The following LAPTM5 variants were observed in gnomAD, a reference collection of about 807,000 sequenced individuals.
LAPTM5 encodes the protein lysosomal protein transmembrane 5, also known as lysosomal-associated transmembrane protein 5.
Under a neutral mutation model 30.1 loss-of-function variants are expected in LAPTM5, and 11 were observed. That is an observed-to-expected ratio of 0.37 (90% CI 0.23 to 0.60). LAPTM5 has a LOEUF of 0.60. Among genes scored for constraint, LAPTM5 ranks in the 20% least tolerant of loss-of-function variants. The pLI is 0.71. For missense variants in LAPTM5, 324 were observed against 332.5 expected (o/e 0.97, Z 0.20); for synonymous variants, 151 against 137.9 (o/e 1.10, Z -0.67).
At chr1:30,754,477 A>G (rs537923550) in intron 1 of LAPTM5, among the ~76,000 whole-genome samples, 2 of 152,216 alleles carry the variant, frequency 1.3e-5, no homozygotes. Context: ...TCAAGGCTGC[A>G]GTGAGCTGTG....
chr1:30,739,141 C>G lies in LAPTM5; in HGVS notation c.388-79G>C, dbSNP rs1221344880. On this transcript the variant is annotated intron_variant, in intron 4 of 7. Coordinates refer to ENST00000294507, the MANE Select transcript of LAPTM5 (RefSeq NM_006762.3). The surrounding 1 kb of genome is among the most constrained non-coding windows in gnomAD (Gnocchi z 4.2). Reference sequence around the variant, plus strand: ...GTTACTGAGCGGCACATAGTAGGCCCTCACTTGAGAGACCGTCTCAGCTAC... The same window carrying G: ...GTTACTGAGCGGCACATAGTAGGCCGTCACTTGAGAGACCGTCTCAGCTAC... 1 of 1,514,100 alleles carries G rather than the reference C, an allele frequency of 6.6e-7. No individual in the cohort carries two copies. Among genetic ancestry groups the G allele is most frequent in the South Asian group, 1.2e-5 (1 of 81,370 alleles). 93.8% of individuals were successfully genotyped at this position (1,514,100 alleles called of 1,614,324 possible).
chr1:30,735,830 C>A (rs929875969), intron 6 of LAPTM5, among the ~76,000 whole-genome samples: 1 of 152,078 alleles, frequency 6.6e-6, no homozygotes, highest in Non-Finnish European at 1.5e-5. Flanking sequence ...AACAGAAAAC[C>A]CCCAGGATGC....
chr1:30,751,565 C>A (rs1179431530), intron 1 of LAPTM5, among the ~76,000 whole-genome samples: 10 of 152,200 alleles, frequency 6.6e-5, no homozygotes, highest in Non-Finnish European at 1.5e-4. Flanking sequence ...ATGGTGAAAC[C>A]CCATCTCTCC....
At chr1:30,736,400 C>G (rs928523444) in intron 6 of LAPTM5, among the ~76,000 whole-genome samples, 3 of 152,030 alleles carry the variant, frequency 2.0e-5, no homozygotes, top group Non-Finnish European at 4.4e-5. Context: ...TGGTGGAGTG[C>G]TTGTCTTCTT....
chr1:30,752,952 T>C (rs1640159389), intron 1 of LAPTM5, among the ~76,000 whole-genome samples: 2 of 152,058 alleles, frequency 1.3e-5, no homozygotes, highest in African/African-American at 4.8e-5. Flanking sequence ...GACTACAGGC[T>C]CCCGCCATCA....
In LAPTM5 at chr1:30,739,866, C is replaced by T. The variant is rs777614266; in HGVS notation, c.330G>A (p.Leu110=). The part of the protein sequence containing the change: ...IMDYLLCLLT[L]LGSYIELPAY... ...CGGGCAGCTCAATGTAGGAGCCCAG[C>T]AGGGTGAGCAGGCACAGGAGATAGT... Residue 110 remains leucine, a synonymous_variant, in exon 4 of 8, where the codon CTG becomes CTA. Coordinates refer to ENST00000294507, the MANE Select transcript of LAPTM5 (RefSeq NM_006762.3). The surrounding 1 kb of genome is among the most constrained non-coding windows in gnomAD (Gnocchi z 4.2). 5 of 1,607,812 alleles carry T rather than the reference C, an allele frequency of 3.1e-6. No homozygotes were observed. Among genetic ancestry groups the T allele is most frequent in the Admixed American group, 1.7e-5 (1 of 59,140 alleles).
rs574774147 is a variant in LAPTM5, at chr1:30,735,415, T to C, written c.607-150A>G. On this transcript the variant is annotated intron_variant, in intron 6 of 7. Coordinates refer to ENST00000294507, the MANE Select transcript of LAPTM5 (RefSeq NM_006762.3). ...TCGGACCTCTCATTCTGGTTGGGGG[T>C]TCCTCACCAGCCAGTCCAGAATATT... The C allele has an allele frequency of 8.0e-5, 53 of 665,918 alleles. No homozygotes were observed. In the African/African-American group the frequency reaches 8.0e-4, roughly 10 times the overall value. The allele number at this position is 665,918 out of a possible 1,614,324, so 41.3% of individuals were successfully genotyped here. A position where few individuals can be genotyped will look rare whatever the true frequency, so the allele number is the denominator to read the frequency against.
At position 30,742,441 on chromosome 1, in the gene LAPTM5, G is replaced by T; in HGVS notation, c.181+15C>A. On this transcript the variant is annotated intron_variant, in intron 2 of 7. Transcript: ENST00000294507. The stretch of plus-strand genomic sequence containing the variant: ...CTCCTCCCCCCGCCACTCCACCGGC[G>T]TCCCCTGGACCTACCGATCCTGAGG... 3 of 1,600,882 alleles carry T rather than the reference G, an allele frequency of 1.9e-6. No homozygotes were observed. The highest frequency in any genetic ancestry group is 2.6e-6 in the Non-Finnish European group (3 of 1,170,234).
Position 30,733,064 on chromosome 1 carries a change from G to GTT in LAPTM5, c.*762_*763dup, listed in dbSNP as rs1330406917. 8.4e-5 allele frequency: 13 copies of GTT among 155,072 alleles called. No homozygotes were observed. The highest frequency in any genetic ancestry group is 2.9e-4 in the African/African-American group (12 of 41,442). 9.6% of individuals were successfully genotyped at this position (155,072 alleles called of 1,614,324 possible). A position where few individuals can be genotyped will look rare whatever the true frequency, so the allele number is the denominator to read the frequency against. ...GGGACTGTTTTATGATGAAATAACT[G>GTT]TTATTTCCTGGAGCTAATTGTTGAA... On this transcript the variant is annotated 3_prime_UTR_variant, in exon 8 of 8. Transcript: ENST00000294507.
intron 3 of LAPTM5, among the ~76,000 whole-genome samples, chr1:30,740,973 T>C (rs894757732): frequency 2.0e-5 from 3 of 152,228 alleles, no homozygotes; most frequent in Non-Finnish European, 2.9e-5. Context: ...GGTGAGGCCC[T>C]GGCTTCCTGC....
At chr1:30,733,985 TG>T in intron 7 of LAPTM5, 68 bp from the exon 8 acceptor site, 1 of 1,532,372 alleles carries the variant, frequency 6.5e-7, no homozygotes, top group Non-Finnish European at 8.8e-7. Flanking sequence ...CCTGGGGTCA[TG>T]GGACCCAAAC....
chr1:30,733,966 C>T (rs771355171), intron 7 of LAPTM5, 49 bp from the exon 8 acceptor site: 3 of 1,576,600 alleles, frequency 1.9e-6, no homozygotes, highest in South Asian at 2.3e-5. Context: ...GAATGACCTG[C>T]AATTCCAACC....
chr1:30,740,939 T>G (rs1320962586), intron 3 of LAPTM5, among the ~76,000 whole-genome samples: 5 of 152,240 alleles, frequency 3.3e-5, no homozygotes, highest in African/African-American at 4.8e-5. Flanking sequence ...ACCCTCTTTC[T>G]GGATCCTACT....
rs548708852 is a variant in LAPTM5, at chr1:30,738,452, T to C, written c.510+488A>G. ...CCAGGAGTTCATCCTTCAGATCTAA[T>C]CAAGCCCTCAGTTGTCCACAGCCCC... is the stretch of plus-strand genomic sequence containing the variant. On this transcript the variant is annotated intron_variant, in intron 5 of 7. Coordinates refer to ENST00000294507, the MANE Select transcript of LAPTM5 (RefSeq NM_006762.3). Among the ~76,000 whole-genome samples, 5 of 152,212 alleles carry C rather than the reference T, an allele frequency of 3.3e-5. No individual in the cohort carries two copies. In the East Asian group the frequency reaches 9.7e-4, roughly 29 times the overall value.
intron 5 of LAPTM5, among the ~76,000 whole-genome samples, chr1:30,738,234 C>T (rs940485329): frequency 3.3e-5 from 5 of 152,166 alleles, no homozygotes; most frequent in East Asian, 1.9e-4. Flanking sequence ...GACTTAGCAA[C>T]GCACTTCTAA....
chr1:30,747,248 G>A (rs995863358), intron 1 of LAPTM5, among the ~76,000 whole-genome samples: 6 of 152,230 alleles, frequency 3.9e-5, no homozygotes, highest in African/African-American at 1.4e-4. Context: ...AAAAGCCACA[G>A]GCCTGGTGGT....
Position 30,741,750 on chromosome 1 carries a change from G to T in LAPTM5, c.182-34C>A, listed in dbSNP as rs149034623. 9.3e-4 allele frequency: 1,430 copies of T among 1,531,542 alleles called. 18 individuals carry two copies. The East Asian group carries it at 0.024, about 26-fold the overall frequency. 94.9% of individuals were successfully genotyped at this position (1,531,542 alleles called of 1,614,324 possible). On this transcript the variant is annotated intron_variant, in intron 2 of 7. Coordinates refer to ENST00000294507, the MANE Select transcript of LAPTM5 (RefSeq NM_006762.3). Reference sequence around the variant, plus strand: ...CAAGGAGAGCAGGGAGGTGCTCAGGGGTGCCCCTGGGACCCCAGCCAGGCT... The same window carrying T: ...CAAGGAGAGCAGGGAGGTGCTCAGGTGTGCCCCTGGGACCCCAGCCAGGCT...
chr1:30,751,041 G>A (rs1044183466), intron 1 of LAPTM5, among the ~76,000 whole-genome samples: 1 of 152,252 alleles, frequency 6.6e-6, no homozygotes, highest in African/African-American at 2.4e-5. Flanking sequence ...CTGGTTCCAG[G>A]CTGATGCTCT....
intron 3 of LAPTM5, among the ~76,000 whole-genome samples, chr1:30,741,086 C>G (rs1453106548): frequency 6.6e-6 from 1 of 152,216 alleles, no homozygotes; most frequent in Non-Finnish European, 1.5e-5. Flanking sequence ...AGGAGCCCCT[C>G]GTTGTCACAC....
Sources: gnomAD v4.1 joint callset for allele counts (sites outside exome capture counted in the v4.1 genomes callset) on GRCh38, gnomAD v4.1.1 for gene constraint, Gnocchi (gnomAD v3.1) non-coding constraint, MANE v1.5 for transcripts, NCBI Gene and HGNC (gene_info 2026-07-23, HGNC 2026-07-21) for gene names.